CAMK4: variants seen among roughly 807,000 people sequenced by gnomAD.
CAMK4 encodes calcium/calmodulin-dependent protein kinase type IV.
Under a neutral mutation model 44.9 loss-of-function variants are expected in CAMK4, and 22 were observed. The observed-to-expected ratio is 0.49, with a 90% CI of 0.35 to 0.70. The LOEUF (loss-of-function observed/expected upper bound fraction) is 0.70, where lower values mean the gene tolerates loss of function less well. Ranked by LOEUF, CAMK4 falls within the 30% of genes least tolerant of loss-of-function variation. CAMK4 has a pLI of 0.01. For synonymous variants in CAMK4, 218 were observed against 215.4 expected, an observed-to-expected ratio of 1.01 and a Z score of -0.11; for missense variants, 498 against 586.8, an observed-to-expected ratio of 0.85 and a Z score of 1.56.
intron 4 of CAMK4, among the ~76,000 whole-genome samples, chr5:111,389,097 G>C (rs1488982195): frequency 2.0e-5 from 3 of 152,192 alleles, no homozygotes. Context: ...CTGGAGGCTG[G>C]AAAGTCCAAG....
chr5:111,479,070 G>A (rs1561513049), intron 9 of CAMK4, among the ~76,000 whole-genome samples: 3 of 151,986 alleles, frequency 2.0e-5, no homozygotes, highest in African/African-American at 2.4e-5. Flanking sequence ...GGAAATATGG[G>A]GTCTTGCTAT....
intron 8 of CAMK4, among the ~76,000 whole-genome samples, chr5:111,476,242 TGTG>T (rs1755232513): frequency 2.8e-4 from 2 of 7,020 alleles, no homozygotes; most frequent in Non-Finnish European, 1.4e-3. Context: ...TGCTTCTTTG[TGTG>T]TGTGTGTGTG....
At chr5:111,261,875 AT>A (rs774958310) in intron 1 of CAMK4, among the ~76,000 whole-genome samples, 5 of 150,802 alleles carry the variant, frequency 3.3e-5, no homozygotes, top group East Asian at 1.9e-4. Flanking sequence ...TCTTAAAAGT[AT>A]TTTTTTTTCC....
At chr5:111,331,040 C>G (rs1044168856) in intron 1 of CAMK4, among the ~76,000 whole-genome samples, 1 of 151,548 alleles carries the variant, frequency 6.6e-6, no homozygotes, top group Admixed American at 6.6e-5. Flanking sequence ...AGGATAATAT[C>G]TTTATGACTT....
chr5:111,323,217 A>C (rs981563181), intron 1 of CAMK4, among the ~76,000 whole-genome samples: 29 of 152,118 alleles, frequency 1.9e-4, no homozygotes, highest in Admixed American at 1.6e-3. Context: ...CCAGAAACCA[A>C]AGATAAAGAG....
intron 1 of CAMK4, among the ~76,000 whole-genome samples, chr5:111,331,731 A>T (rs1476625108): frequency 6.6e-6 from 1 of 151,776 alleles, no homozygotes; most frequent in African/African-American, 2.4e-5. Flanking sequence ...GATAGTCCTG[A>T]TTTATATATA....
At chr5:111,341,931 G>C (rs190465942) in intron 1 of CAMK4, among the ~76,000 whole-genome samples, 2 of 151,324 alleles carry the variant, frequency 1.3e-5, no homozygotes, top group Non-Finnish European at 3.0e-5. Context: ...TCTTTATTTC[G>C]TTTGCAACTT....
intron 2 of CAMK4, among the ~76,000 whole-genome samples, chr5:111,363,234 G>C (rs55667513): frequency 0.048 from 7,224 of 152,076 alleles, 586 homozygotes; most frequent in African/African-American, 0.16. Flanking sequence ...CCACTCCACT[G>C]GTGTCAATAA....
chr5:111,386,608 A>T (rs1445404084), intron 4 of CAMK4, among the ~76,000 whole-genome samples: 1 of 152,228 alleles, frequency 6.6e-6, no homozygotes, highest in Non-Finnish European at 1.5e-5. Context: ...CACCAGAGTC[A>T]TATGTTACAG....
At chr5:111,375,398 G>T (rs1373154652) in intron 3 of CAMK4, among the ~76,000 whole-genome samples, 1 of 152,166 alleles carries the variant, frequency 6.6e-6, no homozygotes, top group Non-Finnish European at 1.5e-5. Context: ...CTCTGCTTCA[G>T]GCTTTGTCCA....
At chr5:111,429,723 A>C (rs1753363234) in intron 5 of CAMK4, among the ~76,000 whole-genome samples, 1 of 142,720 alleles carries the variant, frequency 7.0e-6, no homozygotes, top group Non-Finnish European at 1.5e-5. Flanking sequence ...CATTGAGTCT[A>C]GATCACACCA....
intron 7 of CAMK4, among the ~76,000 whole-genome samples, chr5:111,457,299 C>G (rs1754450103): frequency 6.6e-6 from 1 of 152,130 alleles, no homozygotes; most frequent in Admixed American, 6.5e-5. Context: ...AATCCAGGAA[C>G]TAAAAAGCTT....
chr5:111,336,998 CTAT>C (rs1376762453), intron 1 of CAMK4, among the ~76,000 whole-genome samples: 2 of 150,746 alleles, frequency 1.3e-5, no homozygotes, highest in African/African-American at 4.9e-5. Flanking sequence ...TAAATTTCAC[CTAT>C]TTTATTGCAG....
At position 111,224,762 on chromosome 5, in the gene CAMK4, T is replaced by C. The variant is rs907983559; in HGVS notation, c.161+118T>C. The C allele has an allele frequency of 1.0e-6, 1 of 968,410 alleles. No individual in the cohort carries two copies. Among genetic ancestry groups the C allele is most frequent in the African/African-American group, 1.7e-5 (1 of 58,864 alleles). 60.0% of individuals were successfully genotyped at this position (968,410 alleles called of 1,614,324 possible). ...TCGTGCCCTTCGATTTCTCCCTACC[T>C]AGTTAGTGTCTTGAGAGAGAGCTAA... On this transcript the variant is annotated intron_variant, in intron 1 of 10. Transcript: ENST00000282356. This position sits in a 1 kb window ranked among gnomAD's most constrained non-coding sequence, Gnocchi z 5.7.
intron 2 of CAMK4, among the ~76,000 whole-genome samples, chr5:111,353,475 G>A (rs907489058): frequency 6.6e-6 from 1 of 151,960 alleles, no homozygotes; most frequent in Non-Finnish European, 1.5e-5. Context: ...ATGTGTCAAC[G>A]AATAAAGGAG....
intron 5 of CAMK4, among the ~76,000 whole-genome samples, chr5:111,431,999 T>C (rs1264125976): frequency 6.6e-6 from 1 of 152,168 alleles, no homozygotes; most frequent in Non-Finnish European, 1.5e-5. Flanking sequence ...AATCCCATTG[T>C]TGGGTATGTA....
At chr5:111,412,686 G>C (rs1010494209) in intron 5 of CAMK4, among the ~76,000 whole-genome samples, 1 of 152,178 alleles carries the variant, frequency 6.6e-6, no homozygotes. Flanking sequence ...TCTGGAGGCA[G>C]GGCTCGAACA....
intron 5 of CAMK4, among the ~76,000 whole-genome samples, chr5:111,404,919 A>AT (rs1752360914): frequency 7.5e-6 from 1 of 133,416 alleles, no homozygotes; most frequent in African/African-American, 2.6e-5. Flanking sequence ...TTAATGTTGG[A>AT]TAAGATCAAC....
At chr5:111,258,336 GCTGA>G (rs1488863532) in intron 1 of CAMK4, among the ~76,000 whole-genome samples, 1 of 152,228 alleles carries the variant, frequency 6.6e-6, no homozygotes, top group Non-Finnish European at 1.5e-5. Context: ...CCGCATTCAG[GCTGA>G]CTAACATACC....
Sources: gnomAD v4.1 joint callset for allele counts (sites outside exome capture counted in the v4.1 genomes callset) on GRCh38, gnomAD v4.1.1 for gene constraint, Gnocchi (gnomAD v3.1) non-coding constraint, MANE v1.5 for transcripts, NCBI Gene and HGNC (gene_info 2026-07-23, HGNC 2026-07-21) for gene names.